Variants in CWC27 observed in about 807,000 individuals in gnomAD.
The protein encoded by CWC27 is CWC27 spliceosome associated cyclophilin, also known as spliceosome-associated protein CWC27 homolog.
In CWC27, 47 loss-of-function variants were observed where a neutral mutation model predicts 63.6. The ratio of observed to expected loss-of-function variants is 0.74; its 90% CI spans 0.58 to 0.94. CWC27 has a LOEUF of 0.94. Among genes scored for constraint, CWC27 ranks in the 40% least tolerant of loss-of-function variants. CWC27 has a pLI of 0.00. For synonymous variants in CWC27, 175 were observed against 179.8 expected, an observed-to-expected ratio of 0.97 and a Z score of 0.22; for missense variants, 495 against 554.3, an observed-to-expected ratio of 0.89 and a Z score of 1.07.
At chr5:64,856,179 A>G (rs1210094146) in intron 10 of CWC27, among the ~76,000 whole-genome samples, 2 of 152,030 alleles carry the variant, frequency 1.3e-5, no homozygotes, top group African/African-American at 4.8e-5. Flanking sequence ...TCATGGGCCA[A>G]TTTTATCACT....
intron 10 of CWC27, among the ~76,000 whole-genome samples, chr5:64,837,697 C>G (rs1745692850): frequency 6.6e-6 from 1 of 151,750 alleles, no homozygotes; most frequent in Non-Finnish European, 1.5e-5. Context: ...AAAAAAAAAG[C>G]CAAACCTCAC....
intron 11 of CWC27, among the ~76,000 whole-genome samples, chr5:64,943,190 C>T (rs1179001904): frequency 4.6e-5 from 7 of 151,784 alleles, no homozygotes; most frequent in African/African-American, 9.7e-5. Flanking sequence ...ATGAAGTTAA[C>T]GAATAAAACA....
chr5:64,792,081 G>C (rs1033045273), intron 7 of CWC27, among the ~76,000 whole-genome samples: 1 of 151,860 alleles, frequency 6.6e-6, no homozygotes, highest in African/African-American at 2.4e-5. Context: ...TATTTTTACT[G>C]TCTCTTTACT....
At chr5:65,002,952 A>G (rs184751940) in intron 13 of CWC27, among the ~76,000 whole-genome samples, 1 of 152,080 alleles carries the variant, frequency 6.6e-6, no homozygotes, top group Admixed American at 6.6e-5. Flanking sequence ...TACTTGCTTT[A>G]TATGTCTGGG....
At chr5:64,898,319 TA>T (rs370475201) in intron 11 of CWC27, among the ~76,000 whole-genome samples, 10 of 148,276 alleles carry the variant, frequency 6.7e-5, no homozygotes, top group East Asian at 2.0e-4. Context: ...AAAGAAGCCT[TA>T]AAAAAAAAAT....
intron 10 of CWC27, among the ~76,000 whole-genome samples, chr5:64,848,750 C>T (rs1371648843): frequency 6.6e-6 from 1 of 152,116 alleles, no homozygotes; most frequent in Non-Finnish European, 1.5e-5. Flanking sequence ...GTGATCATGT[C>T]ACTAGATGCA....
chr5:64,771,024 G>A (rs996063122), intron 1 of CWC27, among the ~76,000 whole-genome samples: 2 of 152,194 alleles, frequency 1.3e-5, no homozygotes, highest in Non-Finnish European at 2.9e-5. Flanking sequence ...GTTGAGTGAA[G>A]TATACATTGA....
intron 10 of CWC27, among the ~76,000 whole-genome samples, chr5:64,845,898 A>C (rs1745965686): frequency 6.6e-6 from 1 of 152,238 alleles, no homozygotes; most frequent in Admixed American, 6.5e-5. Context: ...ATTTCAATCA[A>C]ATTCAACACA....
At chr5:64,843,862 C>T (rs1745908565) in intron 10 of CWC27, among the ~76,000 whole-genome samples, 1 of 152,026 alleles carries the variant, frequency 6.6e-6, no homozygotes, top group African/African-American at 2.4e-5. Context: ...GTGACATCAG[C>T]AAAATAACAG....
chr5:64,854,361 G>A (rs903080487), intron 10 of CWC27, among the ~76,000 whole-genome samples: 1 of 152,186 alleles, frequency 6.6e-6, no homozygotes, highest in African/African-American at 2.4e-5. Flanking sequence ...TTGAGGAAGT[G>A]CTATACTGTT....
intron 11 of CWC27, among the ~76,000 whole-genome samples, chr5:64,942,168 A>C (rs1009331671): frequency 6.6e-6 from 1 of 151,964 alleles, no homozygotes; most frequent in Admixed American, 6.6e-5. Context: ...GTTCATGCCT[A>C]TAATCCCAAT....
intron 11 of CWC27, among the ~76,000 whole-genome samples, chr5:64,948,341 CAA>C (rs1748633603): frequency 6.6e-6 from 1 of 151,362 alleles, no homozygotes; most frequent in African/African-American, 2.4e-5. Context: ...ATTTGGTTAA[CAA>C]TATGAAATTG....
At chr5:64,904,543 C>T (rs938029496) in intron 11 of CWC27, among the ~76,000 whole-genome samples, 3 of 152,166 alleles carry the variant, frequency 2.0e-5, no homozygotes, top group African/African-American at 7.2e-5. Context: ...TATCTGGGTT[C>T]CCCAGAACAA....
chr5:64,970,395 G>C (rs946421334), intron 11 of CWC27, among the ~76,000 whole-genome samples: 1 of 151,812 alleles, frequency 6.6e-6, no homozygotes, highest in Non-Finnish European at 1.5e-5. Context: ...TGTATTTTTA[G>C]TAGAGATGGG....
intron 13 of CWC27, among the ~76,000 whole-genome samples, chr5:64,992,698 ATTT>A (rs10710157): frequency 2.1e-5 from 3 of 142,328 alleles, no homozygotes; most frequent in African/African-American, 2.6e-5. Flanking sequence ...CGCCTGGCTA[ATTT>A]TTTTTTTTTT....
chr5:64,794,106 G>C (rs1435304789), intron 7 of CWC27, among the ~76,000 whole-genome samples: 1 of 152,096 alleles, frequency 6.6e-6, no homozygotes, highest in African/African-American at 2.4e-5. Context: ...TGAGGAAACT[G>C]AGCCTCTGGT....
chr5:64,930,021 T>C (rs1351707458), intron 11 of CWC27, among the ~76,000 whole-genome samples: 1 of 152,146 alleles, frequency 6.6e-6, no homozygotes, highest in Non-Finnish European at 1.5e-5. Flanking sequence ...TGAAATATTA[T>C]TCAGCCATGA....
chr5:64,872,791 TC>T (rs1226449704), intron 10 of CWC27, among the ~76,000 whole-genome samples: 1 of 152,178 alleles, frequency 6.6e-6, no homozygotes, highest in African/African-American at 2.4e-5. Flanking sequence ...TATCTGATGC[TC>T]TTATCTCAGT....
intron 10 of CWC27, among the ~76,000 whole-genome samples, chr5:64,865,536 T>C (rs1169814992): frequency 6.6e-6 from 1 of 152,056 alleles, no homozygotes; most frequent in South Asian, 2.1e-4. Flanking sequence ...GGAATGGATG[T>C]GATTGGAAAC....
Sources: allele counts gnomAD v4.1 joint callset (sites outside exome capture counted in the v4.1 genomes callset), GRCh38; gene constraint gnomAD v4.1.1; transcripts MANE v1.5; gene names NCBI Gene and HGNC (gene_info 2026-07-23, HGNC 2026-07-21).